The following CRYBG1 variants were observed in gnomAD, a reference collection of about 807,000 sequenced individuals.
CRYBG1 encodes crystallin beta-gamma domain containing 1.
CRYBG1 carries 139 observed loss-of-function variants against 189.2 expected under a neutral mutation model. The ratio of observed to expected loss-of-function variants is 0.73; its 90% CI spans 0.64 to 0.85. The LOEUF (loss-of-function observed/expected upper bound fraction) is 0.85, where lower values mean the gene tolerates loss of function less well. Ranked by LOEUF, CRYBG1 falls within the 40% of genes least tolerant of loss-of-function variation. The pLI, the probability that CRYBG1 is intolerant of heterozygous loss-of-function variation, is 0.00. For missense variants in CRYBG1, 2,611 were observed against 2,675.8 expected (o/e 0.98, Z 0.53); for synonymous variants, 1,023 against 1,017.1 (o/e 1.01, Z -0.11).
At chr6:106,517,930 C>T (rs117547638) in intron 3 of CRYBG1, among the ~76,000 whole-genome samples, 27 of 152,210 alleles carry the variant, frequency 1.8e-4, no homozygotes, top group East Asian at 5.8e-4. Flanking sequence ...AGAAATGTGA[C>T]GGAGAGAGGG....
At chr6:106,378,375 G>T (rs867174836) in intron 1 of CRYBG1, among the ~76,000 whole-genome samples, 2 of 152,308 alleles carry the variant, frequency 1.3e-5, no homozygotes, top group Middle Eastern at 3.4e-3. Flanking sequence ...TGGCAAGGTG[G>T]AAGTGTGGGG....
intron 20 of CRYBG1, 22 bp downstream of exon 20, chr6:106,561,522 G>A (rs1207966819): frequency 1.3e-6 from 2 of 1,599,960 alleles, no homozygotes; most frequent in African/African-American, 2.7e-5. Context: ...GATTCCACGG[G>A]GGCCTGTGAT....
chr6:106,427,064 A>T (rs1771240819), intron 1 of CRYBG1, among the ~76,000 whole-genome samples: 1 of 151,446 alleles, frequency 6.6e-6, no homozygotes, highest in South Asian at 2.1e-4. Flanking sequence ...TTTGCTGGTT[A>T]TTCCTCCTCT....
At chr6:106,554,932 C>T (rs914578444) in intron 16 of CRYBG1, among the ~76,000 whole-genome samples, 4 of 151,970 alleles carry the variant, frequency 2.6e-5, no homozygotes, top group African/African-American at 9.7e-5. Flanking sequence ...TTTGGGAGGC[C>T]GAGGTGGGCA....
chr6:106,486,974 G>C (rs931085646), intron 2 of CRYBG1, among the ~76,000 whole-genome samples: 1 of 151,930 alleles, frequency 6.6e-6, no homozygotes, highest in Non-Finnish European at 1.5e-5. Flanking sequence ...TTTTTTTGTA[G>C]ATTGTTTATT....
intron 15 of CRYBG1, 198 bp downstream of exon 15, chr6:106,552,414 C>T (rs1774425509): frequency 7.3e-6 from 2 of 272,334 alleles, no homozygotes; most frequent in African/African-American, 2.3e-5. Context: ...GGGGAAACCC[C>T]GTCTTTACTA....
At chr6:106,446,877 A>T (rs1210418934) in intron 1 of CRYBG1, among the ~76,000 whole-genome samples, 1 of 152,222 alleles carries the variant, frequency 6.6e-6, no homozygotes, top group Non-Finnish European at 1.5e-5. Flanking sequence ...TCTTGCCGTT[A>T]TTAATTTTGC....
chr6:106,401,872 T>C (rs2114355765), intron 1 of CRYBG1, among the ~76,000 whole-genome samples: 1 of 151,378 alleles, frequency 6.6e-6, no homozygotes, highest in African/African-American at 2.4e-5. Context: ...AACATACGTG[T>C]GCATGTGTCT....
At chr6:106,539,665 G>T in intron 9 of CRYBG1, 136 bp downstream of exon 9, 25 of 708,388 alleles carry the variant, frequency 3.5e-5, no homozygotes, top group Non-Finnish European at 3.7e-5. Flanking sequence ...TTGCTCAATA[G>T]AAATCATGGA....
chr6:106,523,730 C>A (rs1773663225), intron 4 of CRYBG1, among the ~76,000 whole-genome samples: 1 of 146,672 alleles, frequency 6.8e-6, no homozygotes, highest in Non-Finnish European at 1.5e-5. Flanking sequence ...GCCCTTATGG[C>A]CTTTTTTTTT....
intron 2 of CRYBG1, among the ~76,000 whole-genome samples, chr6:106,460,129 G>A (rs1193393974): frequency 6.7e-6 from 1 of 148,360 alleles, no homozygotes; most frequent in Non-Finnish European, 1.5e-5. Context: ...TGGGACTACA[G>A]GCGCCCGCCA....
chr6:106,543,565 G>C lies in CRYBG1; in HGVS notation c.5007G>C (p.Thr1669=). The part of the protein sequence containing the change: ...EATGDDHLPF[T]SVGSMKVLRG... ...CTGGAGACGATCATTTGCCGTTTAC[G>C]TCAGTGGGGTCTATGAAAGTTCTAA... The change falls in exon 11 of 22, where the codon ACG becomes ACC. Residue 1669 remains threonine (T), a synonymous_variant. Transcript: ENST00000633556. 3 of 1,614,040 alleles carry C rather than the reference G, an allele frequency of 1.9e-6. No homozygotes were observed. The highest frequency in any genetic ancestry group is 1.7e-6 in the Non-Finnish European group (2 of 1,179,920).
chr6:106,433,736 C>CATAT (rs57644173), intron 1 of CRYBG1, among the ~76,000 whole-genome samples: 1,099 of 27,654 alleles, frequency 0.04, 57 homozygotes, highest in African/African-American at 0.088. Flanking sequence ...TATATATATA[C>CATAT]ATATATATGT....
intron 21 of CRYBG1, among the ~76,000 whole-genome samples, chr6:106,567,543 A>G (rs1374758685): frequency 6.6e-6 from 1 of 152,230 alleles, no homozygotes; most frequent in East Asian, 1.9e-4. Flanking sequence ...AGGAGGAAGC[A>G]TGCTTTCAAT....
chr6:106,454,933 A>G (rs544342914), intron 2 of CRYBG1: 5 of 152,376 alleles, frequency 3.3e-5, no homozygotes, highest in South Asian at 2.1e-4. Context: ...GCCTTAAGAA[A>G]AAGACATTTA....
chr6:106,384,906 T>A (rs1286385100), intron 1 of CRYBG1, among the ~76,000 whole-genome samples: 1 of 150,100 alleles, frequency 6.7e-6, no homozygotes, highest in Non-Finnish European at 1.5e-5. Context: ...TCTTTCAAAA[T>A]CTCTGCTAAT....
At chr6:106,363,431 A>G (rs1222171481) in intron 1 of CRYBG1, among the ~76,000 whole-genome samples, 1 of 152,158 alleles carries the variant, frequency 6.6e-6, no homozygotes, top group Non-Finnish European at 1.5e-5. Flanking sequence ...TAGTTAGATC[A>G]TCTTTATAAA....
At chr6:106,506,644 G>A (rs1167023575) in intron 2 of CRYBG1, among the ~76,000 whole-genome samples, 1 of 151,518 alleles carries the variant, frequency 6.6e-6, no homozygotes, top group African/African-American at 2.4e-5. Context: ...GTAGAGACGG[G>A]GTTTCACCAC....
intron 2 of CRYBG1, among the ~76,000 whole-genome samples, chr6:106,507,598 C>T (rs1402512445): frequency 6.6e-6 from 1 of 152,136 alleles, no homozygotes; most frequent in South Asian, 2.1e-4. Context: ...TCTGTGGCTT[C>T]CCATCCTAGG....
Sources: allele counts gnomAD v4.1 joint callset (sites outside exome capture counted in the v4.1 genomes callset), GRCh38; gene constraint gnomAD v4.1.1; transcripts MANE v1.5; gene names NCBI Gene and HGNC (gene_info 2026-07-23, HGNC 2026-07-21).